ZNF423: variants seen among roughly 807,000 people sequenced by gnomAD.
The protein encoded by ZNF423 is zinc finger protein 423.
Under a neutral mutation model 95.8 loss-of-function variants are expected in ZNF423, and 12 were observed. The ratio of observed to expected loss-of-function variants is 0.13; its 90% CI spans 0.08 to 0.20. The LOEUF is 0.20. Ranked by LOEUF, ZNF423 falls within the 10% of genes least tolerant of loss-of-function variation. ZNF423 has a pLI of 1.00. For missense variants in ZNF423, 1,316 were observed against 1,737.1 expected, an observed-to-expected ratio of 0.76 and a Z score of 4.31; for synonymous variants, 749 against 711.9, an observed-to-expected ratio of 1.05 and a Z score of -0.83.
chr16:49,518,976 A>G lies in ZNF423; in HGVS notation c.3849+4648T>C, dbSNP rs186396556. On this transcript the variant is annotated intron_variant, in intron 7 of 7. Coordinates refer to ENST00000563137, the MANE Select transcript of ZNF423 (RefSeq NM_001379286.1). ...CCACTCAGGAAGCTGAGGTGAAAGG[A>G]TGACATGAGCCCCGGAGGTTGAGGC... Among the ~76,000 whole-genome samples the G allele has an allele frequency of 3.3e-5, 5 of 152,348 alleles. No homozygotes were observed. The East Asian group carries it at 9.6e-4, about 29-fold the overall frequency.
rs1228375894 is a variant in ZNF423 at position 49,548,684 on chromosome 16, G to A, written c.3602-23190C>T. 3.9e-5 allele frequency among the ~76,000 whole-genome samples: 6 copies of A among 152,124 alleles called. No homozygotes were observed. In the South Asian group the frequency reaches 6.2e-4, roughly 16 times the overall value. ...GGGAGAGAAGGAGACAGCCGCCTTC[G>A]GGGAAGCACAAAGCCTTCCCCTGAC... On this transcript the variant is annotated intron_variant, in intron 5 of 7. Transcript: ENST00000563137.
intron 5 of ZNF423, among the ~76,000 whole-genome samples, chr16:49,584,501 C>T (rs1024546808): frequency 6.6e-6 from 1 of 152,138 alleles, no homozygotes; most frequent in Admixed American, 6.5e-5. Context: ...TGTACTCATA[C>T]GCTGGGGCTG....
At chr16:49,536,125 C>T (rs549866782) in intron 5 of ZNF423, among the ~76,000 whole-genome samples, 3 of 152,332 alleles carry the variant, frequency 2.0e-5, no homozygotes, top group South Asian at 2.1e-4. Flanking sequence ...ACACAACACA[C>T]ACCTGCAGAA....
chr16:49,588,197 G>A (rs2151812474), intron 5 of ZNF423, among the ~76,000 whole-genome samples: 1 of 152,344 alleles, frequency 6.6e-6, no homozygotes, highest in East Asian at 1.9e-4. Flanking sequence ...CCCTGCTGCA[G>A]TAGGCTGCCT....
intron 2 of ZNF423, among the ~76,000 whole-genome samples, chr16:49,756,874 A>G (rs2143610347): frequency 6.6e-6 from 1 of 152,350 alleles, no homozygotes; most frequent in Admixed American, 6.5e-5. Context: ...AGGGGCAGAC[A>G]TGAACAGGCC....
intron 3 of ZNF423, among the ~76,000 whole-genome samples, chr16:49,688,906 A>G (rs2031671259): frequency 6.6e-6 from 1 of 152,146 alleles, no homozygotes; most frequent in Non-Finnish European, 1.5e-5. Flanking sequence ...ACTCCACGGA[A>G]GCTCCTGGGC....
At chr16:49,761,033 C>T (rs1337806300) in intron 2 of ZNF423, among the ~76,000 whole-genome samples, 1 of 134,764 alleles carries the variant, frequency 7.4e-6, no homozygotes, top group Non-Finnish European at 1.5e-5. Context: ...CACGTACACA[C>T]ACATGCACAC....
Position 49,603,804 on chromosome 16 carries a change from G to C in ZNF423, c.3601+22366C>G, listed in dbSNP as rs150988118. Among the ~76,000 whole-genome samples the C allele has an allele frequency of 1.0e-3, 153 of 152,290 alleles. 1 individual carries two copies. The highest frequency in any genetic ancestry group is 3.5e-3 in the African/African-American group (147 of 41,550). On this transcript the variant is annotated intron_variant, in intron 5 of 7. Transcript: ENST00000563137. The surrounding 1 kb of genome is among the most constrained non-coding windows in gnomAD (Gnocchi z 4.1). Reference sequence around the variant, plus strand: ...CAGCTGATCTTTCCTCCATGTCTGAGAGCACCAGAGCCATGCCTGAATAAT... The same window carrying C: ...CAGCTGATCTTTCCTCCATGTCTGACAGCACCAGAGCCATGCCTGAATAAT...
At chr16:49,695,177 G>C (rs1422726395) in intron 3 of ZNF423, among the ~76,000 whole-genome samples, 1 of 152,166 alleles carries the variant, frequency 6.6e-6, no homozygotes, top group Non-Finnish European at 1.5e-5. Context: ...GCGGTGGCGC[G>C]ATCTGGGCTC....
intron 2 of ZNF423, among the ~76,000 whole-genome samples, chr16:49,734,178 G>A (rs116079150): frequency 5.1e-4 from 78 of 152,282 alleles, no homozygotes; most frequent in African/African-American, 1.8e-3. Context: ...CCACCTGATC[G>A]GTTGCTCAGT....
intron 3 of ZNF423, among the ~76,000 whole-genome samples, chr16:49,689,099 T>C (rs1336890679): frequency 6.6e-6 from 1 of 152,104 alleles, no homozygotes; most frequent in African/African-American, 2.4e-5. Context: ...TACTGATGTG[T>C]TGATTCATGT....
intron 2 of ZNF423, among the ~76,000 whole-genome samples, chr16:49,760,583 G>C (rs1171764114): frequency 6.6e-6 from 1 of 152,180 alleles, no homozygotes; most frequent in East Asian, 1.9e-4. Context: ...ACCAAGACAT[G>C]GTCCTGCCGC....
chr16:49,693,455 T>C (rs1172280213), intron 3 of ZNF423, among the ~76,000 whole-genome samples: 1 of 152,212 alleles, frequency 6.6e-6, no homozygotes, highest in Non-Finnish European at 1.5e-5. Context: ...CAAAGGATGC[T>C]TATCAATGAC....
At chr16:49,748,625 C>T (rs1289541512) in intron 2 of ZNF423, among the ~76,000 whole-genome samples, 4 of 152,214 alleles carry the variant, frequency 2.6e-5, no homozygotes, top group African/African-American at 9.7e-5. Flanking sequence ...GGTGACATCA[C>T]CTGATCACTT....
At chr16:49,746,630 A>G (rs901565001) in intron 2 of ZNF423, among the ~76,000 whole-genome samples, 1 of 151,930 alleles carries the variant, frequency 6.6e-6, no homozygotes. Flanking sequence ...GGCACCCACC[A>G]CCACACCTGG....
At chr16:49,797,052 C>T (rs2034509709) in intron 1 of ZNF423, among the ~76,000 whole-genome samples, 1 of 152,120 alleles carries the variant, frequency 6.6e-6, no homozygotes, top group African/African-American at 2.4e-5. Flanking sequence ...GAGGTGGTGG[C>T]CAGGCAAGGG....
intron 3 of ZNF423, among the ~76,000 whole-genome samples, chr16:49,706,029 C>T (rs1397541584): frequency 6.6e-6 from 1 of 152,076 alleles, no homozygotes; most frequent in African/African-American, 2.4e-5. Context: ...CAGGGAGGCA[C>T]ACTGCGGGGT....
At position 49,758,179 on chromosome 16, in the gene ZNF423, C is replaced by T. The variant is rs140001120; in HGVS notation, c.101-27208G>A. ...TTTGAGACAGGGTCTCGCTCTGTCA[C>T]CGAGGCTGGAGTGCAGTGGCATGAT... On this transcript the variant is annotated intron_variant, in intron 2 of 7. Coordinates refer to ENST00000563137, the MANE Select transcript of ZNF423 (RefSeq NM_001379286.1). Among the ~76,000 whole-genome samples the T allele has an allele frequency of 1.9e-3, 287 of 152,318 alleles. 1 individual carries two copies. The highest frequency in any genetic ancestry group is 3.6e-3 in the Non-Finnish European group (247 of 68,038).
chr16:49,671,078 T>A (rs907471651), intron 3 of ZNF423, among the ~76,000 whole-genome samples: 1 of 152,168 alleles, frequency 6.6e-6, no homozygotes, highest in Non-Finnish European at 1.5e-5. Flanking sequence ...GCAGCTGCAG[T>A]TCCACACTCC....
Sources: gnomAD v4.1 joint callset for allele counts (sites outside exome capture counted in the v4.1 genomes callset) on GRCh38, gnomAD v4.1.1 for gene constraint, Gnocchi (gnomAD v3.1) non-coding constraint, MANE v1.5 for transcripts, NCBI Gene and HGNC (gene_info 2026-07-23, HGNC 2026-07-21) for gene names.